The following AGBL4 variants were observed in gnomAD, a reference collection of about 807,000 sequenced individuals.
AGBL4 encodes the protein AGBL carboxypeptidase 4.
In AGBL4, 58 loss-of-function variants were observed where a neutral mutation model predicts 66.4. That is an observed-to-expected ratio of 0.87 (90% confidence interval 0.71 to 1.09). The LOEUF (loss-of-function observed/expected upper bound fraction) is 1.09, where lower values mean the gene tolerates loss of function less well. Ranked by LOEUF, AGBL4 falls within the 50% of genes least tolerant of loss-of-function variation. AGBL4 has a pLI of 0.00. For missense variants in AGBL4, 579 were observed against 631.0 expected, an observed-to-expected ratio of 0.92 and a Z score of 0.88; for synonymous variants, 234 against 222.9, an observed-to-expected ratio of 1.05 and a Z score of -0.44.
intron 4 of AGBL4, among the ~76,000 whole-genome samples, chr1:49,182,818 C>G (rs192502409): frequency 6.6e-6 from 1 of 152,226 alleles, no homozygotes; most frequent in Non-Finnish European, 1.5e-5. Flanking sequence ...GTTCTCCTAA[C>G]AACTTCATTC....
intron 2 of AGBL4, among the ~76,000 whole-genome samples, chr1:49,822,989 T>A (rs1450102524): frequency 6.6e-6 from 1 of 152,216 alleles, no homozygotes; most frequent in African/African-American, 2.4e-5. Context: ...TCTCCTCTTT[T>A]AATTGTTCTC....
At chr1:49,530,275 A>AAAAAAAAAAAAAAAAAAAAAAAAAC in intron 3 of AGBL4, among the ~76,000 whole-genome samples, 1 of 141,336 alleles carries the variant, frequency 7.1e-6, no homozygotes, top group Non-Finnish European at 1.5e-5. Flanking sequence ...AAAAAAAACA[A>AAAAAAAAAAAAAAAAAAAAAAAAAC]AAAAAAACTC....
chr1:48,866,584 CAGAGTAAA>C (rs1648112082), intron 6 of AGBL4, among the ~76,000 whole-genome samples: 1 of 152,188 alleles, frequency 6.6e-6, no homozygotes, highest in Non-Finnish European at 1.5e-5. Flanking sequence ...GTTTCCAAAC[CAGAGTAAA>C]ATACCTCTCT....
At chr1:48,528,294 T>TA (rs1643890355), downstream of AGBL4, among the ~76,000 whole-genome samples, 1 of 151,200 alleles carries the variant, frequency 6.6e-6, no homozygotes, top group African/African-American at 2.4e-5. Flanking sequence ...CATAAAGGAG[T>TA]TAAGGCAAGG....
intron 5 of AGBL4, among the ~76,000 whole-genome samples, chr1:48,942,215 C>A (rs746208079): frequency 2.6e-5 from 4 of 152,010 alleles, no homozygotes; most frequent in Non-Finnish European, 5.9e-5. Flanking sequence ...TGAGAAGGTG[C>A]CTTTGAAAAG....
At chr1:49,763,272 T>C (rs1652478194) in intron 2 of AGBL4, among the ~76,000 whole-genome samples, 1 of 152,246 alleles carries the variant, frequency 6.6e-6, no homozygotes, top group African/African-American at 2.4e-5. Context: ...TGTTAGTTAC[T>C]ACAGCCTTGC....
At chr1:49,854,135 T>G (rs796300557) in intron 1 of AGBL4, among the ~76,000 whole-genome samples, 5 of 152,050 alleles carry the variant, frequency 3.3e-5, no homozygotes, top group African/African-American at 1.2e-4. Context: ...ATTACAAAAA[T>G]TGCACAAAAG....
intron 4 of AGBL4, among the ~76,000 whole-genome samples, chr1:49,224,167 T>C (rs1300158146): frequency 6.6e-6 from 1 of 152,212 alleles, no homozygotes; most frequent in African/African-American, 2.4e-5. Flanking sequence ...GTGAAGTCTG[T>C]GCTTTCTTTC....
intron 1 of AGBL4, among the ~76,000 whole-genome samples, chr1:49,863,245 G>C (rs895800643): frequency 6.6e-6 from 1 of 152,110 alleles, no homozygotes; most frequent in African/African-American, 2.4e-5. Context: ...TATGGAAAAT[G>C]AATCTAGACC....
At chr1:49,421,694 C>T (rs1412358506) in intron 3 of AGBL4, among the ~76,000 whole-genome samples, 1 of 152,146 alleles carries the variant, frequency 6.6e-6, no homozygotes, top group African/African-American at 2.4e-5. Context: ...AATGTATTCT[C>T]TCTTTTAATT....
At chr1:49,153,023 G>T (rs1336001061) in intron 4 of AGBL4, among the ~76,000 whole-genome samples, 1 of 152,138 alleles carries the variant, frequency 6.6e-6, no homozygotes, top group African/African-American at 2.4e-5. Context: ...TGGAAGGGGA[G>T]AGGTGGGAAG....
At chr1:49,062,037 G>A (rs1247756893) in intron 4 of AGBL4, among the ~76,000 whole-genome samples, 1 of 152,072 alleles carries the variant, frequency 6.6e-6, no homozygotes, top group Non-Finnish European at 1.5e-5. Flanking sequence ...ATTCTCATAG[G>A]AGTGCAAACC....
At chr1:49,728,700 G>C (rs1649208929) in intron 2 of AGBL4, among the ~76,000 whole-genome samples, 1 of 152,162 alleles carries the variant, frequency 6.6e-6, no homozygotes, top group South Asian at 2.1e-4. Flanking sequence ...AAGGAGCCTA[G>C]CAATAGAGAG....
chr1:49,579,153 G>A (rs538440497), intron 3 of AGBL4, among the ~76,000 whole-genome samples: 42 of 152,280 alleles, frequency 2.8e-4, no homozygotes, highest in Non-Finnish European at 4.9e-4. Flanking sequence ...CTGCTCAAGC[G>A]TGCAGACAGC....
intron 1 of AGBL4, among the ~76,000 whole-genome samples, chr1:49,879,488 C>T (rs1434247642): frequency 6.8e-6 from 1 of 147,506 alleles, no homozygotes. Flanking sequence ...GAATATTGGC[C>T]CCCACTCTCT....
intron 5 of AGBL4, among the ~76,000 whole-genome samples, chr1:48,959,975 A>C (rs973761139): frequency 3.9e-5 from 6 of 152,220 alleles, no homozygotes; most frequent in African/African-American, 1.4e-4. Flanking sequence ...AACTGTCACA[A>C]TCTGACTTTC....
At chr1:49,417,783 G>T (rs1645459727) in intron 3 of AGBL4, among the ~76,000 whole-genome samples, 1 of 152,028 alleles carries the variant, frequency 6.6e-6, no homozygotes, top group Non-Finnish European at 1.5e-5. Context: ...TATTTGACAT[G>T]CAATCAACTA....
At chr1:49,987,719 ATAT>A (rs1321126442) in intron 1 of AGBL4, among the ~76,000 whole-genome samples, 2 of 151,978 alleles carry the variant, frequency 1.3e-5, no homozygotes, top group Non-Finnish European at 2.9e-5. Context: ...AAAAGTTGTT[ATAT>A]TATTTGTGTA....
In AGBL4 at chr1:49,455,197, A is replaced by T. The variant is rs1014526444; in HGVS notation, c.283-209333T>A. Among the ~76,000 whole-genome samples, 10 of 151,728 alleles carry T rather than the reference A, an allele frequency of 6.6e-5. No individual in the cohort carries two copies. The East Asian group carries it at 2.0e-3, about 30-fold the overall frequency. Reference sequence around the variant, plus strand: ...AAAAGTATGTATATATGTTTACCTGATGTCATGAAGTACAGAGAGGAGAGC... The same window carrying T: ...AAAAGTATGTATATATGTTTACCTGTTGTCATGAAGTACAGAGAGGAGAGC... On this transcript the variant is annotated intron_variant, in intron 3 of 13. Coordinates refer to ENST00000371839, the MANE Select transcript of AGBL4 (RefSeq NM_032785.4).
Sources: allele counts gnomAD v4.1 joint callset (sites outside exome capture counted in the v4.1 genomes callset), GRCh38; gene constraint gnomAD v4.1.1; transcripts MANE v1.5; gene names NCBI Gene and HGNC (gene_info 2026-07-23, HGNC 2026-07-21).